Variants in PCDH15 observed in about 807,000 individuals in gnomAD.
PCDH15 encodes protocadherin related 15, also known as protocadherin-15.
Under a neutral mutation model 178.5 loss-of-function variants are expected in PCDH15, and 129 were observed. That is an observed-to-expected ratio of 0.72 (90% CI 0.63 to 0.84). The LOEUF is 0.84. PCDH15 is among the 40% of genes least tolerant of loss of function. The pLI is 0.00. For missense variants in PCDH15, 2,230 were observed against 2,099.9 expected (o/e 1.06, Z -1.21); for synonymous variants, 800 against 732.0 (o/e 1.09, Z -1.50).
intron 2 of PCDH15, among the ~76,000 whole-genome samples, chr10:55,511,882 T>C (rs1301200484): frequency 1.3e-5 from 2 of 152,072 alleles, no homozygotes; most frequent in East Asian, 1.9e-4. Flanking sequence ...ATGCCACTCA[T>C]ACATTTTCAT....
chr10:55,175,998 C>T (rs1257455554), intron 1 of PCDH15, among the ~76,000 whole-genome samples: 2 of 152,048 alleles, frequency 1.3e-5, no homozygotes, highest in Admixed American at 6.5e-5. Flanking sequence ...TGCAGGTTAC[C>T]GGGTACAGAT....
At chr10:53,891,242 C>T (rs1276183221) in intron 26 of PCDH15, among the ~76,000 whole-genome samples, 1 of 152,092 alleles carries the variant, frequency 6.6e-6, no homozygotes, top group Non-Finnish European at 1.5e-5. Flanking sequence ...GCAATGCAGC[C>T]TTCACTTTCA....
At chr10:54,763,275 A>T (rs1222440145) in intron 1 of PCDH15, among the ~76,000 whole-genome samples, 1 of 152,126 alleles carries the variant, frequency 6.6e-6, no homozygotes, top group African/African-American at 2.4e-5. Context: ...AAACAGTGAG[A>T]TGTCATATAT....
chr10:55,147,527 G>C (rs1245800481), intron 2 of PCDH15, among the ~76,000 whole-genome samples: 2 of 151,504 alleles, frequency 1.3e-5, no homozygotes, highest in Non-Finnish European at 3.0e-5. Flanking sequence ...AAAGTGTTCA[G>C]TTTCTGGACT....
intron 1 of PCDH15, among the ~76,000 whole-genome samples, chr10:55,313,446 C>T (rs10509033): frequency 0.015 from 2,282 of 152,192 alleles, 63 homozygotes; most frequent in African/African-American, 0.051. Flanking sequence ...AACCTCGTAA[C>T]AGAAAATTTT....
chr10:53,889,407 C>T (rs1036520911), intron 26 of PCDH15, among the ~76,000 whole-genome samples: 4 of 151,710 alleles, frequency 2.6e-5, no homozygotes, highest in Non-Finnish European at 5.9e-5. Flanking sequence ...TAGAAAGAGA[C>T]CAAAATAGTC....
intron 2 of PCDH15, among the ~76,000 whole-genome samples, chr10:55,130,242 A>C (rs1838004871): frequency 6.6e-6 from 1 of 152,136 alleles, no homozygotes; most frequent in African/African-American, 2.4e-5. Flanking sequence ...TAAGTGGTCA[A>C]GGGAAGTCTG....
intron 2 of PCDH15, among the ~76,000 whole-genome samples, chr10:55,613,949 A>C (rs1420095644): frequency 6.6e-6 from 1 of 152,020 alleles, no homozygotes; most frequent in Non-Finnish European, 1.5e-5. Context: ...TCTACTAAAA[A>C]ATACAAAAAC....
Position 54,165,921 on chromosome 10 carries a change from A to G in PCDH15, c.1591-12628T>C, listed in dbSNP as rs199681076. Among the ~76,000 whole-genome samples, 888 of 152,258 alleles carry G rather than the reference A, an allele frequency of 5.8e-3. 8 individuals carry two copies. Among genetic ancestry groups the G allele is most frequent in the African/African-American group, 0.02 (841 of 41,510 alleles). On this transcript the variant is annotated intron_variant, in intron 13 of 37. Transcript: ENST00000644397. ...AAGGTGCTCTAGGAAAGGAGATGAG[A>G]GAGAAACCTATCTTTAAATGAAATG...
intron 3 of PCDH15, among the ~76,000 whole-genome samples, chr10:54,517,500 A>G (rs2082356508): frequency 6.6e-6 from 1 of 152,172 alleles, no homozygotes; most frequent in Admixed American, 6.5e-5. Flanking sequence ...CAATTCAACA[A>G]GAAGAGCTAA....
At chr10:54,659,140 C>G (rs1437605302) in intron 2 of PCDH15, among the ~76,000 whole-genome samples, 1 of 152,056 alleles carries the variant, frequency 6.6e-6, no homozygotes, top group Non-Finnish European at 1.5e-5. Flanking sequence ...AGAAAAGAAA[C>G]AAGTCATACA....
intron 2 of PCDH15, among the ~76,000 whole-genome samples, chr10:55,341,485 T>C (rs745417068): frequency 9.9e-5 from 15 of 151,684 alleles, no homozygotes; most frequent in Non-Finnish European, 7.4e-5. Flanking sequence ...TTATTCTAAA[T>C]GCTTTGCATG....
intron 1 of PCDH15, among the ~76,000 whole-genome samples, chr10:54,723,422 T>C (rs1005782619): frequency 2.0e-5 from 3 of 151,726 alleles, no homozygotes; most frequent in Non-Finnish European, 2.9e-5. Context: ...GACTTAAACA[T>C]AAGACCAGAA....
At chr10:53,821,868 G>A in intron 32 of PCDH15, 1 of 1,613,042 alleles carries the variant, frequency 6.2e-7, no homozygotes, top group Non-Finnish European at 8.5e-7. Flanking sequence ...TTACAGTGAA[G>A]TAGATTGACT....
chr10:55,323,679 A>ACCT (rs58675391), upstream of PCDH15, among the ~76,000 whole-genome samples: 33,560 of 152,016 alleles, frequency 0.22, 4,355 homozygotes, highest in African/African-American at 0.36. Context: ...AATGCCCATT[A>ACCT]CATTGTATCT....
At chr10:54,347,295 C>G (rs1943452590) in intron 5 of PCDH15, among the ~76,000 whole-genome samples, 1 of 152,028 alleles carries the variant, frequency 6.6e-6, no homozygotes, top group Non-Finnish European at 1.5e-5. Context: ...AGTTAAATTT[C>G]AACTTAATTA....
intron 8 of PCDH15, among the ~76,000 whole-genome samples, chr10:54,246,345 G>C (rs914303723): frequency 6.6e-6 from 1 of 151,714 alleles, no homozygotes; most frequent in African/African-American, 2.4e-5. Flanking sequence ...TTCCATCCTA[G>C]AGATGGCCTG....
intron 25 of PCDH15, 67 bp from the exon 26 acceptor site, chr10:53,903,437 A>T (rs2082461654): frequency 1.9e-6 from 3 of 1,581,572 alleles, no homozygotes; most frequent in African/African-American, 2.7e-5. Context: ...GCACTGAAGT[A>T]AATATTTGCT....
chr10:54,267,731 G>T (rs2057784773), intron 8 of PCDH15, among the ~76,000 whole-genome samples: 1 of 151,850 alleles, frequency 6.6e-6, no homozygotes, highest in Non-Finnish European at 1.5e-5. Context: ...GGAGGTGAAA[G>T]ATCTCTTTAA....
Sources: allele counts gnomAD v4.1 joint callset (sites outside exome capture counted in the v4.1 genomes callset), GRCh38; gene constraint gnomAD v4.1.1; transcripts MANE v1.5; gene names NCBI Gene and HGNC (gene_info 2026-07-23, HGNC 2026-07-21).